Variants in RGS21 observed in about 807,000 individuals in gnomAD.
RGS21 encodes regulator of G-protein signalling 21.
Under a neutral mutation model 18.7 loss-of-function variants are expected in RGS21, and 19 were observed. The ratio of observed to expected loss-of-function variants is 1.01; its 90% CI spans 0.71 to 1.49. The LOEUF (loss-of-function observed/expected upper bound fraction) is 1.49. Among genes scored for constraint, RGS21 ranks in the 40% most tolerant of loss-of-function variants. RGS21 has a pLI of 0.00. For synonymous variants in RGS21, 56 were observed against 57.8 expected (o/e 0.97, Z 0.14); for missense variants, 194 against 176.8 (o/e 1.10, Z -0.55).
intron 3 of RGS21, among the ~76,000 whole-genome samples, 192 bp from the exon 4 acceptor site, chr1:192,351,855 T>C (rs1204124686): frequency 6.7e-6 from 1 of 149,568 alleles, no homozygotes; most frequent in Non-Finnish European, 1.5e-5. Context: ...ATGCTCTATA[T>C]ATGTTAACAA....
chr1:192,332,839 A>C (rs551084647), intron 1 of RGS21, among the ~76,000 whole-genome samples: 2 of 152,304 alleles, frequency 1.3e-5, no homozygotes, highest in South Asian at 4.1e-4. Flanking sequence ...GATTGAGCCC[A>C]GCAGTTCAAA....
At chr1:192,361,707 G>A (rs922693532) in intron 4 of RGS21, among the ~76,000 whole-genome samples, 7 of 151,876 alleles carry the variant, frequency 4.6e-5, no homozygotes, top group Non-Finnish European at 8.8e-5. Context: ...CACCACGCCT[G>A]GCTAATTTTT....
In RGS21 at chr1:192,337,302, T is replaced by C. The variant is rs59521435; in HGVS notation, c.-60-5675T>C. 2.1e-3 allele frequency among the ~76,000 whole-genome samples: 318 copies of C among 152,164 alleles called. 1 individual carries two copies. The highest frequency in any genetic ancestry group is 7.4e-3 in the African/African-American group (306 of 41,542). On this transcript the variant is annotated intron_variant, in intron 1 of 4. Transcript: ENST00000417209. ...ACATTCCACTACCCAGACTGTGATATTACCTAATAGAATTTTACTACCCAG... is the reference window on the plus strand; with the variant it reads ...ACATTCCACTACCCAGACTGTGATACTACCTAATAGAATTTTACTACCCAG...
chr1:192,336,822 A>G (rs1174082372), intron 1 of RGS21, among the ~76,000 whole-genome samples: 1 of 152,148 alleles, frequency 6.6e-6, no homozygotes, highest in Non-Finnish European at 1.5e-5. Flanking sequence ...CGGGGGAGAT[A>G]CCTGGTCATG....
At chr1:192,349,246 T>G (rs1267613215) in intron 3 of RGS21, among the ~76,000 whole-genome samples, 1 of 152,138 alleles carries the variant, frequency 6.6e-6, no homozygotes, top group Non-Finnish European at 1.5e-5. Flanking sequence ...GCAAACTCAT[T>G]CCTCTGCATA....
Position 192,320,075 on chromosome 1 carries a change from G to T in RGS21, c.-61+2970G>T, listed in dbSNP as rs141341248. 1.7e-3 allele frequency among the ~76,000 whole-genome samples: 254 copies of T among 152,116 alleles called. 1 individual carries two copies. The highest frequency in any genetic ancestry group is 5.5e-3 in the African/African-American group (229 of 41,520). On this transcript the variant is annotated intron_variant, in intron 1 of 4. Coordinates refer to ENST00000417209, the MANE Select transcript of RGS21 (RefSeq NM_001039152.3). Reference sequence around the variant, plus strand: ...AATACAGATAGATCTTTTTAAAACCGCAATACCAGATGAAAGACATTAAGA... The same window carrying T: ...AATACAGATAGATCTTTTTAAAACCTCAATACCAGATGAAAGACATTAAGA...
chr1:192,335,021 C>T (rs185778937), intron 1 of RGS21, among the ~76,000 whole-genome samples: 4 of 152,150 alleles, frequency 2.6e-5, no homozygotes, highest in Admixed American at 2.6e-4. Flanking sequence ...CTACAAATAA[C>T]AGTATTAAGG....
intron 1 of RGS21, among the ~76,000 whole-genome samples, chr1:192,333,093 A>C (rs1442761714): frequency 6.6e-6 from 1 of 152,246 alleles, no homozygotes; most frequent in East Asian, 1.9e-4. Context: ...GCTGTTAGGG[A>C]ATTAAAATTA....
At chr1:192,326,953 C>T (rs1363254002) in intron 1 of RGS21, among the ~76,000 whole-genome samples, 2 of 152,096 alleles carry the variant, frequency 1.3e-5, no homozygotes, top group Non-Finnish European at 2.9e-5. Context: ...AGTTCTAGGG[C>T]TCTTTTATCC....
At chr1:192,350,521 G>A (rs1347085840) in intron 3 of RGS21, among the ~76,000 whole-genome samples, 2 of 152,110 alleles carry the variant, frequency 1.3e-5, no homozygotes, top group Non-Finnish European at 2.9e-5. Flanking sequence ...CTCTCCGCCT[G>A]CAGGAAAGGA....
chr1:192,328,208 A>C (rs548009808), intron 1 of RGS21, among the ~76,000 whole-genome samples: 36 of 152,342 alleles, frequency 2.4e-4, no homozygotes, highest in African/African-American at 8.7e-4. Flanking sequence ...CAGGCTGGGC[A>C]TGGCTCCGAG....
intron 1 of RGS21, among the ~76,000 whole-genome samples, chr1:192,325,866 G>T (rs75403495): frequency 6.6e-6 from 1 of 151,902 alleles, no homozygotes; most frequent in South Asian, 2.1e-4. Context: ...GATGCAGTTT[G>T]TGAGTTTTTC....
At chr1:192,356,618 T>A (rs562864508) in intron 4 of RGS21, among the ~76,000 whole-genome samples, 1 of 151,904 alleles carries the variant, frequency 6.6e-6, no homozygotes, top group East Asian at 1.9e-4. Context: ...ATAAGGATAG[T>A]TTTAAACTGA....
chr1:192,350,725 G>A (rs1659029156), intron 3 of RGS21, among the ~76,000 whole-genome samples: 1 of 152,136 alleles, frequency 6.6e-6, no homozygotes, highest in Non-Finnish European at 1.5e-5. Flanking sequence ...TGACCTAAAT[G>A]TATTGGTTTA....
At chr1:192,338,821 C>T (rs1658809062) in intron 1 of RGS21, among the ~76,000 whole-genome samples, 1 of 151,992 alleles carries the variant, frequency 6.6e-6, no homozygotes, top group Non-Finnish European at 1.5e-5. Context: ...TTATTGAATA[C>T]ATGAACATTT....
At chr1:192,340,190 C>G (rs1658837706) in intron 1 of RGS21, among the ~76,000 whole-genome samples, 1 of 151,990 alleles carries the variant, frequency 6.6e-6, no homozygotes, top group African/African-American at 2.4e-5. Context: ...ACAGAAATTC[C>G]CATTGATTGC....
At chr1:192,345,463 T>C (rs1658932675) in intron 2 of RGS21, among the ~76,000 whole-genome samples, 2 of 152,108 alleles carry the variant, frequency 1.3e-5, no homozygotes, top group Non-Finnish European at 2.9e-5. Flanking sequence ...TGTGTCAATA[T>C]TTGGGGTTTG....
rs1002419258 is a variant in RGS21 at position 192,366,445 on chromosome 1, AC to A, written c.*322del. On this transcript the variant is annotated 3_prime_UTR_variant, in exon 5 of 5. Coordinates refer to ENST00000417209, the MANE Select transcript of RGS21 (RefSeq NM_001039152.3). Reference sequence around the variant, plus strand: ...ATATCTTCACGTGGCAGAATGAAAGACTTTTGAGCATCATATACACAATTTT... The same window carrying A: ...ATATCTTCACGTGGCAGAATGAAAGATTTTGAGCATCATATACACAATTTT... 1.8e-5 allele frequency: 3 copies of A among 168,022 alleles called. No individual in the cohort carries two copies. Among genetic ancestry groups the A allele is most frequent in the African/African-American group, 7.2e-5 (3 of 41,802 alleles). 10.4% of individuals were successfully genotyped at this position (168,022 alleles called of 1,614,324 possible). A position where few individuals can be genotyped will look rare whatever the true frequency, so the allele number is the denominator to read the frequency against.
chr1:192,337,589 G>A (rs1156770325), intron 1 of RGS21, among the ~76,000 whole-genome samples: 1 of 152,086 alleles, frequency 6.6e-6, no homozygotes, highest in Non-Finnish European at 1.5e-5. Flanking sequence ...TAGTTTAACG[G>A]ATGCTGTGTA....
Sources: allele counts gnomAD v4.1 joint callset (sites outside exome capture counted in the v4.1 genomes callset), GRCh38; gene constraint gnomAD v4.1.1; transcripts MANE v1.5; gene names NCBI Gene and HGNC (gene_info 2026-07-23, HGNC 2026-07-21).